Variants in SH3GL2 observed in about 807,000 individuals in gnomAD.
The protein encoded by SH3GL2 is endophilin-A1.
SH3GL2 carries 24 observed loss-of-function variants against 46.0 expected under a neutral mutation model. The observed-to-expected ratio is 0.52, with a 90% CI of 0.38 to 0.73. The LOEUF (loss-of-function observed/expected upper bound fraction) is 0.73, where lower values mean the gene tolerates loss of function less well. Among genes scored for constraint, SH3GL2 ranks in the 30% least tolerant of loss-of-function variants. The pLI, the probability that SH3GL2 is intolerant of heterozygous loss-of-function variation, is 0.00. For synonymous variants in SH3GL2, 196 were observed against 147.1 expected, an observed-to-expected ratio of 1.33 and a Z score of -2.40; for missense variants, 413 against 424.2, an observed-to-expected ratio of 0.97 and a Z score of 0.23.
chr9:17,623,191 C>G (rs1403115034), intron 1 of SH3GL2, among the ~76,000 whole-genome samples: 3 of 151,618 alleles, frequency 2.0e-5, no homozygotes, highest in African/African-American at 7.3e-5. Flanking sequence ...GGAGTGGGCC[C>G]TTTAGTGGTT....
chr9:17,605,142 T>G (rs73418657), intron 1 of SH3GL2, among the ~76,000 whole-genome samples: 6,513 of 152,054 alleles, frequency 0.043, 411 homozygotes, highest in African/African-American at 0.14. Flanking sequence ...CCAGCTAACT[T>G]TTTTAGAAAA....
intron 1 of SH3GL2, among the ~76,000 whole-genome samples, chr9:17,615,422 C>T (rs764949291): frequency 9.2e-5 from 14 of 151,932 alleles, no homozygotes; most frequent in Non-Finnish European, 1.0e-4. Flanking sequence ...TTTGAGAGGC[C>T]GAGGTGGGCG....
chr9:17,600,708 C>T (rs2134562618), intron 1 of SH3GL2, among the ~76,000 whole-genome samples: 1 of 152,214 alleles, frequency 6.6e-6, no homozygotes, highest in East Asian at 1.9e-4. Flanking sequence ...TGTTGTACTA[C>T]TTTAGTTTTT....
At chr9:17,713,819 G>C (rs1006146024) in intron 1 of SH3GL2, among the ~76,000 whole-genome samples, 1 of 151,660 alleles carries the variant, frequency 6.6e-6, no homozygotes, top group Non-Finnish European at 1.5e-5. Context: ...TCTTGTATAC[G>C]TTTCATGTAC....
intron 1 of SH3GL2, among the ~76,000 whole-genome samples, chr9:17,711,787 A>G (rs762465010): frequency 2.0e-5 from 3 of 151,812 alleles, no homozygotes; most frequent in East Asian, 3.9e-4. Context: ...CTTGTACAAG[A>G]CATATTCTTT....
intron 1 of SH3GL2, among the ~76,000 whole-genome samples, chr9:17,734,009 G>A (rs1822256085): frequency 1.3e-5 from 2 of 152,010 alleles, no homozygotes; most frequent in South Asian, 4.1e-4. Context: ...GGTAACATGA[G>A]TTGATTTGAT....
At chr9:17,602,091 T>C (rs181631697) in intron 1 of SH3GL2, among the ~76,000 whole-genome samples, 201 of 152,320 alleles carry the variant, frequency 1.3e-3, no homozygotes, top group Non-Finnish European at 2.2e-3. Context: ...GAAACAGCTC[T>C]ATTTATTGGG....
chr9:17,683,188 A>G (rs546431499), intron 1 of SH3GL2, among the ~76,000 whole-genome samples: 13 of 152,074 alleles, frequency 8.5e-5, no homozygotes, highest in Non-Finnish European at 1.5e-4. Context: ...TAAAAGCTGA[A>G]TGTATCTCAG....
chr9:17,703,588 C>G (rs931977090), intron 1 of SH3GL2, among the ~76,000 whole-genome samples: 8 of 151,982 alleles, frequency 5.3e-5, no homozygotes. Flanking sequence ...AGTAGCACAT[C>G]AAAAAGCTAA....
intron 1 of SH3GL2, among the ~76,000 whole-genome samples, chr9:17,703,181 A>C (rs979940127): frequency 1.3e-5 from 2 of 152,096 alleles, no homozygotes; most frequent in African/African-American, 2.4e-5. Flanking sequence ...TTATCAAATG[A>C]AAATGAGCTG....
chr9:17,628,917 A>G (rs776449117), intron 1 of SH3GL2, among the ~76,000 whole-genome samples: 4 of 152,140 alleles, frequency 2.6e-5, no homozygotes, highest in South Asian at 2.1e-4. Flanking sequence ...GCATGCGGTG[A>G]TACATAATAC....
intron 4 of SH3GL2, among the ~76,000 whole-genome samples, chr9:17,787,038 C>T (rs1396296963): frequency 1.3e-5 from 2 of 152,176 alleles, no homozygotes; most frequent in South Asian, 2.1e-4. Flanking sequence ...GATCTCCTTC[C>T]TGGTTGAACC....
chr9:17,724,496 A>G (rs924426508), intron 1 of SH3GL2, among the ~76,000 whole-genome samples: 5 of 151,994 alleles, frequency 3.3e-5, no homozygotes, highest in African/African-American at 1.2e-4. Flanking sequence ...CTGAAAAGGA[A>G]GTGTCTGTTG....
chr9:17,593,274 C>T (rs541114471), intron 1 of SH3GL2, among the ~76,000 whole-genome samples: 7 of 151,708 alleles, frequency 4.6e-5, no homozygotes, highest in Non-Finnish European at 8.8e-5. Context: ...GTTAGAAGCA[C>T]AGGACTGTGC....
chr9:17,759,154 A>G (rs535999192), intron 2 of SH3GL2, among the ~76,000 whole-genome samples: 1 of 152,254 alleles, frequency 6.6e-6, no homozygotes, highest in African/African-American at 2.4e-5. Context: ...GCCAGGTGGG[A>G]TAGACACTGC....
At chr9:17,789,748 G>A in intron 6 of SH3GL2, 198 bp downstream of exon 6, 1 of 1,352,602 alleles carries the variant, frequency 7.4e-7, no homozygotes, top group East Asian at 2.8e-5. Flanking sequence ...CATTCCTGTA[G>A]TTTAACTAGA....
At chr9:17,605,963 C>CT (rs1358763815) in intron 1 of SH3GL2, among the ~76,000 whole-genome samples, 3 of 152,160 alleles carry the variant, frequency 2.0e-5, no homozygotes, top group African/African-American at 4.8e-5. Context: ...TTTTTGAACT[C>CT]TGACACTCTA....
chr9:17,767,821 G>A (rs1823357032), intron 3 of SH3GL2, among the ~76,000 whole-genome samples: 1 of 152,098 alleles, frequency 6.6e-6, no homozygotes, highest in South Asian at 2.1e-4. Context: ...AAAGGAATAG[G>A]GTATTTCAAG....
At chr9:17,657,901 T>C (rs1820126634) in intron 1 of SH3GL2, among the ~76,000 whole-genome samples, 1 of 152,058 alleles carries the variant, frequency 6.6e-6, no homozygotes, top group African/African-American at 2.4e-5. Flanking sequence ...TGGCAGAAGG[T>C]TTTCAAGATA....
Sources: allele counts gnomAD v4.1 joint callset (sites outside exome capture counted in the v4.1 genomes callset), GRCh38; gene constraint gnomAD v4.1.1; transcripts MANE v1.5; gene names NCBI Gene and HGNC (gene_info 2026-07-23, HGNC 2026-07-21).